Variants in GTF2IRD2 observed in about 807,000 individuals in gnomAD.
GTF2IRD2 encodes the protein general transcription factor II-I repeat domain-containing protein 2A.
GTF2IRD2 carries 8 observed loss-of-function variants against 49.2 expected under a neutral mutation model. The ratio of observed to expected loss-of-function variants is 0.16; its 90% CI spans 0.10 to 0.29. The LOEUF is 0.29. GTF2IRD2 is among the 10% of genes least tolerant of loss of function. GTF2IRD2 has a pLI of 1.00. For missense variants in GTF2IRD2, 130 were observed against 725.7 expected (o/e 0.18, Z 9.43); for synonymous variants, 47 against 289.7 (o/e 0.16, Z 8.51).
intron 3 of GTF2IRD2, among the ~76,000 whole-genome samples, chr7:74,830,523 G>A (rs1799755642): frequency 1.4e-5 from 2 of 146,260 alleles, no homozygotes; most frequent in South Asian, 2.2e-4. Flanking sequence ...AAACAAAAAC[G>A]AAAAACCTGC....
intron 2 of GTF2IRD2, among the ~76,000 whole-genome samples, chr7:74,835,048 G>GT (rs1213032271): frequency 2.9e-5 from 4 of 136,806 alleles, no homozygotes; most frequent in African/African-American, 1.2e-4. Context: ...GCACTGTAAA[G>GT]TTACTGATTT....
At position 74,841,609 on chromosome 7, in the gene GTF2IRD2, A is replaced by G. The variant is rs1453407244; in HGVS notation, c.-5-5226T>C. ...CATCCACACTGGGATTACAGCTGCAAGCCACTACACCTGGCTCAATCAACT... is the reference window on the plus strand; with the variant it reads ...CATCCACACTGGGATTACAGCTGCAGGCCACTACACCTGGCTCAATCAACT... On this transcript the variant is annotated intron_variant, in intron 1 of 15. Transcript: ENST00000451013. 2.1e-5 allele frequency among the ~76,000 whole-genome samples: 3 copies of G among 141,894 alleles called. No homozygotes were observed. The East Asian group carries it at 6.0e-4, about 28-fold the overall frequency. The allele number at this position is 141,894 out of a possible 152,430, so 93.1% of individuals were successfully genotyped here.
chr7:74,845,147 AC>A (rs1801157171), intron 1 of GTF2IRD2, among the ~76,000 whole-genome samples: 1 of 149,648 alleles, frequency 6.7e-6, no homozygotes, highest in Non-Finnish European at 1.5e-5. Context: ...AAAAACACAA[AC>A]AAAAATAGAA....
chr7:74,826,976 G>T (rs1216173961), intron 3 of GTF2IRD2, among the ~76,000 whole-genome samples: 1 of 151,994 alleles, frequency 6.6e-6, no homozygotes, highest in African/African-American at 2.4e-5. Context: ...CTCCCAAAGT[G>T]CTTGGATTAT....
At chr7:74,811,592 G>A (rs1554417730) in intron 9 of GTF2IRD2, among the ~76,000 whole-genome samples, 1 of 83,898 alleles carries the variant, frequency 1.2e-5, no homozygotes, top group African/African-American at 2.8e-5. Context: ...CCAGCACCCA[G>A]GCTGGAGTGC....
intron 15 of GTF2IRD2, among the ~76,000 whole-genome samples, chr7:74,799,921 CAAAAAA>C (rs1160840166): frequency 2.2e-4 from 3 of 13,950 alleles, no homozygotes; most frequent in Non-Finnish European, 3.2e-4. Context: ...CCTGTCTCTA[CAAAAAA>C]AAAAAAAAAA....
chr7:74,800,361 C>T (rs1330751646), intron 15 of GTF2IRD2, among the ~76,000 whole-genome samples: 1 of 136,766 alleles, frequency 7.3e-6, no homozygotes, highest in Non-Finnish European at 1.5e-5. Flanking sequence ...TATAGGCACG[C>T]GCCACCATGC....
Position 74,822,801 on chromosome 7 carries a change from G to A in GTF2IRD2, c.365C>T (p.Ala122Val), listed in dbSNP as rs587617748. ...EDYFCFCYGK[A>V]LGTTVMVPVP... ...AGGCACCATCACTGTTGTCCCTAAG[G>A]CTTTACCTACAAGAAGACGCAAACG... Residue 122 changes from alanine to valine, a missense_variant, in exon 5 of 16, where the codon GCC becomes GTC. Coordinates refer to ENST00000451013, the MANE Select transcript of GTF2IRD2 (RefSeq NM_173537.5). 16 of 1,529,808 alleles carry A rather than the reference G, an allele frequency of 1.0e-5. No homozygotes were observed. In the East Asian group the frequency reaches 3.6e-4, roughly 35 times the overall value. The allele number at this position is 1,529,808 out of a possible 1,614,324, so 94.8% of individuals were successfully genotyped here.
At position 74,807,452 on chromosome 7, in the gene GTF2IRD2, AT is replaced by A. The variant is rs1200755259; in HGVS notation, c.872-442del. Among the ~76,000 whole-genome samples, 16 of 74,662 alleles carry A rather than the reference AT, an allele frequency of 2.1e-4. 1 individual carries two copies. Among genetic ancestry groups the A allele is most frequent in the African/African-American group, 3.3e-4 (8 of 24,210 alleles). The allele number at this position is 74,662 out of a possible 152,430, so 49.0% of individuals were successfully genotyped here. On this transcript the variant is annotated intron_variant, in intron 11 of 15. Transcript: ENST00000451013. ...ACCACCATGCCCAGTTAATAATTGT[AT>A]TTTTTTTTTAGTAGAGACGGAGTTT...
At chr7:74,825,799 CTTCTT>C (rs1213103562) in intron 3 of GTF2IRD2, among the ~76,000 whole-genome samples, 2 of 124,136 alleles carry the variant, frequency 1.6e-5, no homozygotes, top group Non-Finnish European at 3.2e-5. Context: ...TTCTTTCTTT[CTTCTT>C]TTTTTTTTTT....
At chr7:74,844,929 G>A (rs1424183056) in intron 1 of GTF2IRD2, among the ~76,000 whole-genome samples, 2 of 99,962 alleles carry the variant, frequency 2.0e-5, no homozygotes, top group Non-Finnish European at 4.5e-5. Context: ...CTGACCTCAG[G>A]TGATCTGCCA....
At chr7:74,827,830 CTTT>C (rs1188223440) in intron 3 of GTF2IRD2, among the ~76,000 whole-genome samples, 1 of 31,386 alleles carries the variant, frequency 3.2e-5, no homozygotes, top group Non-Finnish European at 5.0e-5. Flanking sequence ...TTTCCTTTCC[CTTT>C]TTTTTTTTTT....
Position 74,796,431 on chromosome 7 carries a change from G to T in GTF2IRD2, c.*231C>A. ...ACAAAAATTAGCCAGGCATGGTGGC[G>T]CACGCCTGTAGTCCCAGCTGCTCGG... is the stretch of plus-strand genomic sequence containing the variant. On this transcript the variant is annotated 3_prime_UTR_variant, in exon 16 of 16. Transcript: ENST00000451013. The T allele has an allele frequency of 3.9e-6, 2 of 513,862 alleles. No homozygotes were observed. The highest frequency in any genetic ancestry group is 7.0e-6 in the Non-Finnish European group (2 of 283,984). The allele number at this position is 513,862 out of a possible 1,614,324, so 31.8% of individuals were successfully genotyped here. A position where few individuals can be genotyped will look rare whatever the true frequency, so the allele number is the denominator to read the frequency against.
chr7:74,833,221 TTGTGTGTGTGTG>T (rs369196670), intron 2 of GTF2IRD2, among the ~76,000 whole-genome samples: 1 of 111,956 alleles, frequency 8.9e-6, no homozygotes, highest in African/African-American at 3.4e-5. Context: ...CCTGGCTAAT[TTGTGTGTGTGTG>T]TGTGTGTGTG....
chr7:74,835,899 T>G, intron 2 of GTF2IRD2, among the ~76,000 whole-genome samples: 1 of 117,920 alleles, frequency 8.5e-6, no homozygotes, highest in Non-Finnish European at 1.6e-5. Flanking sequence ...GCAGGAGAAT[T>G]GCTTGAACCC....
intron 3 of GTF2IRD2, among the ~76,000 whole-genome samples, chr7:74,826,672 TGTTGCTG>T (rs1799419486): frequency 5.7e-4 from 62 of 108,522 alleles, no homozygotes; most frequent in Non-Finnish European, 9.4e-4. Flanking sequence ...ATCCCATCCA[TGTTGCTG>T]CAAAAGACAT....
chr7:74,815,707 G>A (rs1437982486), intron 8 of GTF2IRD2, among the ~76,000 whole-genome samples: 5 of 32,400 alleles, frequency 1.5e-4, no homozygotes, highest in Admixed American at 4.7e-4. Context: ...AGCTGAGGTC[G>A]TGCCACTGCA....
At chr7:74,831,408 C>A (rs1554420365) in intron 3 of GTF2IRD2, among the ~76,000 whole-genome samples, 1 of 148,856 alleles carries the variant, frequency 6.7e-6, no homozygotes, top group East Asian at 2.0e-4. Flanking sequence ...ATCTATCTAC[C>A]TATCTATCTA....
chr7:74,841,448 C>A, intron 1 of GTF2IRD2, among the ~76,000 whole-genome samples: 1 of 133,536 alleles, frequency 7.5e-6, no homozygotes, highest in Non-Finnish European at 1.5e-5. Context: ...TGATTACAGC[C>A]ATGAGCCACT....
Sources: allele counts gnomAD v4.1 joint callset (sites outside exome capture counted in the v4.1 genomes callset), GRCh38; gene constraint gnomAD v4.1.1; transcripts MANE v1.5; gene names NCBI Gene and HGNC (gene_info 2026-07-23, HGNC 2026-07-21).